Variants in ACSL4 observed in about 807,000 individuals in gnomAD.
The protein encoded by ACSL4 is acyl-CoA synthetase long chain family member 4.
ACSL4 carries 9 observed loss-of-function variants against 49.1 expected under a neutral mutation model. The observed-to-expected ratio is 0.18, with a 90% CI of 0.11 to 0.32. The LOEUF (loss-of-function observed/expected upper bound fraction) is 0.32, where lower values mean the gene tolerates loss of function less well. Ranked by LOEUF, ACSL4 falls within the 10% of genes least tolerant of loss-of-function variation. ACSL4 has a pLI of 1.00. For synonymous variants in ACSL4, 191 were observed against 170.3 expected (o/e 1.12, Z -0.95); for missense variants, 333 against 493.7 (o/e 0.67, Z 3.08).
intron 9 of ACSL4, 23 bp from the exon 10 acceptor site, chrX:109,669,196 A>C (rs755693128): frequency 8.9e-7 from 1 of 1,120,321 alleles, no homozygotes; most frequent in South Asian, 1.9e-5. Flanking sequence ...CAAAATATTC[A>C]ATAATCTGAA....
chrX:109,656,606 T>TA (rs1461140921), intron 15 of ACSL4, among the ~76,000 whole-genome samples: 1 of 110,412 alleles, frequency 9.1e-6, no homozygotes, highest in Non-Finnish European at 1.9e-5. Context: ...CCAGAAACTT[T>TA]AAAAAAACAA....
At chrX:109,691,579 A>G (rs1925038715) in intron 2 of ACSL4, among the ~76,000 whole-genome samples, 1 of 112,379 alleles carries the variant, frequency 8.9e-6, no homozygotes, top group South Asian at 3.6e-4. Flanking sequence ...GAATGGTTTC[A>G]CTTTGTAAAT....
intron 4 of ACSL4, 134 bp from the exon 5 acceptor site, chrX:109,681,509 C>G: frequency 5.8e-6 from 3 of 515,762 alleles, no homozygotes. Flanking sequence ...ATTTCATAGT[C>G]TCTGTTACCA....
chrX:109,724,150 T>C (rs1425621470), intron 1 of ACSL4, among the ~76,000 whole-genome samples: 1 of 112,443 alleles, frequency 8.9e-6, no homozygotes, highest in Non-Finnish European at 1.9e-5. Flanking sequence ...TAATTTCAGG[T>C]AAACGATCAT....
chrX:109,646,412 G>A (rs370485419), intron 15 of ACSL4, among the ~76,000 whole-genome samples: 20 of 110,097 alleles, frequency 1.8e-4, no homozygotes, highest in East Asian at 1.4e-3. Context: ...TTTCATATCC[G>A]GCCAAACTAA....
At chrX:109,715,157 T>G (rs145228461) in intron 1 of ACSL4, among the ~76,000 whole-genome samples, 2,036 of 112,150 alleles carry the variant, frequency 0.018, 33 homozygotes, top group African/African-American at 0.062. Context: ...AATAAACATG[T>G]ATAATAATTT....
intron 15 of ACSL4, among the ~76,000 whole-genome samples, chrX:109,651,012 T>C (rs937205962): frequency 2.7e-5 from 3 of 112,243 alleles, no homozygotes; most frequent in African/African-American, 9.7e-5. Context: ...TAAAAACTGA[T>C]GCAATGAATA....
At chrX:109,693,592 T>C (rs970641669) in intron 2 of ACSL4, among the ~76,000 whole-genome samples, 2 of 112,440 alleles carry the variant, frequency 1.8e-5, no homozygotes, top group African/African-American at 6.5e-5. Context: ...TATTTCCACA[T>C]TAGGATTGGG....
intron 15 of ACSL4, among the ~76,000 whole-genome samples, chrX:109,656,366 G>A (rs1276745900): frequency 9.0e-6 from 1 of 111,223 alleles, no homozygotes; most frequent in Non-Finnish European, 1.9e-5. Flanking sequence ...AAAACACTAT[G>A]TAGTTCAGCT....
chrX:109,641,360 T>C lies in ACSL4; in HGVS notation c.*2669A>G. ...TTGATAACATGGGTGGATTTATTTC[T>C]TAAGATTTGAGTGCAAACTTAAAAA... On this transcript the variant is annotated 3_prime_UTR_variant, in exon 16 of 16. Coordinates refer to ENST00000672401, the MANE Select transcript of ACSL4 (RefSeq NM_001318510.2). 1 of 113,376 alleles carries C rather than the reference T, an allele frequency of 8.8e-6. No individual in the cohort carries two copies. 9.3% of individuals were successfully genotyped at this position (113,376 alleles called of 1,213,427 possible). A position where few individuals can be genotyped will look rare whatever the true frequency, so the allele number is the denominator to read the frequency against.
chrX:109,724,837 G>C (rs1177233627), intron 1 of ACSL4, among the ~76,000 whole-genome samples: 1 of 110,646 alleles, frequency 9.0e-6, no homozygotes, highest in Non-Finnish European at 1.9e-5. Context: ...GCTTGAATCT[G>C]TGAGACGGAG....
Position 109,682,798 on chromosome X carries a change from C to G in ACSL4, c.327G>C (p.Lys109Asn). ...TCTCACAGAAGATGGCAATGGTGTT[C>G]TTTGGTTTTAGTCCCAGTGCAGTGA... ...SGLTALGLKP[K>N]NTIAIFCETR... Residue 109 changes from lysine (K) to asparagine (N), a missense_variant, in exon 4 of 16, where the codon AAG (lysine) becomes AAC (asparagine). Lys to Asn is a moderately conservative substitution (Grantham distance 94). This residue lies in a region of ACSL4 where 157 missense variants were observed against 201.1 expected (regional missense o/e 0.78). Transcript: ENST00000672401. The G allele has an allele frequency of 1.7e-6, 2 of 1,211,863 alleles. No individual in the cohort carries two copies. Among genetic ancestry groups the G allele is most frequent in the Non-Finnish European group, 2.2e-6 (2 of 895,510 alleles).
At chrX:109,650,541 G>A (rs1308344906) in intron 15 of ACSL4, among the ~76,000 whole-genome samples, 2 of 93,081 alleles carry the variant, frequency 2.1e-5, no homozygotes, top group African/African-American at 8.0e-5. Flanking sequence ...GTGGGGGGAA[G>A]GGGGGAGGGA....
intron 15 of ACSL4, among the ~76,000 whole-genome samples, chrX:109,657,150 T>A (rs1440168955): frequency 8.9e-6 from 1 of 112,014 alleles, no homozygotes; most frequent in Admixed American, 9.5e-5. Flanking sequence ...CCTCTCCCAA[T>A]AAGATTTGGA....
At chrX:109,714,074 C>T (rs1926947425) in intron 1 of ACSL4, among the ~76,000 whole-genome samples, 1 of 112,036 alleles carries the variant, frequency 8.9e-6, no homozygotes, top group Non-Finnish European at 1.9e-5. Flanking sequence ...CCTTAAAGAC[C>T]TTCCAGTGGG....
chrX:109,694,201 G>A (rs1171935565), intron 2 of ACSL4, among the ~76,000 whole-genome samples: 2 of 112,138 alleles, frequency 1.8e-5, no homozygotes, highest in Non-Finnish European at 3.8e-5. Context: ...TCAGCATTTA[G>A]CTATACAAAA....
intron 15 of ACSL4, 95 bp from the exon 16 acceptor site, chrX:109,644,281 T>A: frequency 1.2e-6 from 1 of 813,170 alleles, no homozygotes; most frequent in Non-Finnish European, 1.7e-6. Flanking sequence ...GAGAAGCAAT[T>A]AATAAAATAT....
At chrX:109,662,575 G>A (rs1037065043) in intron 13 of ACSL4, among the ~76,000 whole-genome samples, 1 of 111,065 alleles carries the variant, frequency 9.0e-6, no homozygotes, top group Non-Finnish European at 1.9e-5. Flanking sequence ...CAAGTGAATA[G>A]CACAAGGGCC....
At chrX:109,706,881 T>A (rs959895795) in intron 1 of ACSL4, among the ~76,000 whole-genome samples, 2 of 112,435 alleles carry the variant, frequency 1.8e-5, no homozygotes, top group Middle Eastern at 4.6e-3. Context: ...AACCAGAAAG[T>A]ACTCTTGTGT....
Sources: allele counts gnomAD v4.1 joint callset (sites outside exome capture counted in the v4.1 genomes callset), GRCh38; gene constraint gnomAD v4.1.1; regional missense constraint gnomAD v4.1.1; transcripts MANE v1.5; gene names NCBI Gene and HGNC (gene_info 2026-07-23, HGNC 2026-07-21).